The following RASAL2 variants were observed in gnomAD, a reference collection of about 807,000 sequenced individuals.
The protein encoded by RASAL2 is ras GTPase-activating protein nGAP.
RASAL2 carries 58 observed loss-of-function variants against 128.9 expected under a neutral mutation model. That is an observed-to-expected ratio of 0.45 (90% CI 0.36 to 0.56). The LOEUF (loss-of-function observed/expected upper bound fraction) is 0.56, where lower values mean the gene tolerates loss of function less well. RASAL2 is among the 20% of genes least tolerant of loss of function. RASAL2 has a pLI of 0.00. For missense variants in RASAL2, 1,360 were observed against 1,601.6 expected (o/e 0.85, Z 2.57); for synonymous variants, 561 against 580.8 (o/e 0.97, Z 0.49).
At chr1:178,120,945 C>T (rs1659695523) in intron 1 of RASAL2, 1 of 152,272 alleles carries the variant, frequency 6.6e-6, no homozygotes, top group South Asian at 2.1e-4. Flanking sequence ...GCTTGCTTGC[C>T]TGCTGCTCAT....
chr1:178,219,584 C>T (rs768616351), intron 1 of RASAL2, among the ~76,000 whole-genome samples: 10 of 149,448 alleles, frequency 6.7e-5, no homozygotes, highest in Admixed American at 1.3e-4. Flanking sequence ...GAGCTGTGAT[C>T]GCGCCATAGC....
At chr1:178,389,984 T>C in intron 3 of RASAL2, 116 bp from the exon 4 acceptor site, 1 of 658,806 alleles carries the variant, frequency 1.5e-6, no homozygotes, top group Non-Finnish European at 2.7e-6. Context: ...AGATAGAATG[T>C]AATATACCTT....
chr1:178,341,270 C>G (rs1473223498), intron 3 of RASAL2, among the ~76,000 whole-genome samples: 1 of 152,186 alleles, frequency 6.6e-6, no homozygotes, highest in Non-Finnish European at 1.5e-5. Context: ...AAATACTTAG[C>G]TTGGTAAATC....
chr1:178,280,657 T>G (rs1666740368), intron 1 of RASAL2, among the ~76,000 whole-genome samples: 1 of 152,064 alleles, frequency 6.6e-6, no homozygotes, highest in Non-Finnish European at 1.5e-5. Context: ...CTGATTCTTT[T>G]TAATGTTTCT....
At chr1:178,307,783 G>A (rs1557891422) in intron 3 of RASAL2, among the ~76,000 whole-genome samples, 1 of 152,162 alleles carries the variant, frequency 6.6e-6, no homozygotes, top group Non-Finnish European at 1.5e-5. Context: ...CAATCTTTTT[G>A]TTGTATTTCT....
chr1:178,408,625 TG>T (rs200113489), intron 4 of RASAL2, among the ~76,000 whole-genome samples: 12 of 151,642 alleles, frequency 7.9e-5, no homozygotes, highest in African/African-American at 2.4e-4. Context: ...TTTTGTTTTT[TG>T]TTTTGCTTCT....
intron 1 of RASAL2, among the ~76,000 whole-genome samples, chr1:178,148,190 CT>C (rs11325242): frequency 0.023 from 3,378 of 144,720 alleles, 100 homozygotes; most frequent in African/African-American, 0.074. Flanking sequence ...TCTTTGCTCA[CT>C]TTTTTTTTTT....
intron 3 of RASAL2, among the ~76,000 whole-genome samples, chr1:178,357,750 G>A (rs1670886794): frequency 6.6e-6 from 1 of 152,004 alleles, no homozygotes. Flanking sequence ...TATATAAAGA[G>A]CATGTTTTAT....
At chr1:178,284,208 A>G (rs574696314) in intron 2 of RASAL2, among the ~76,000 whole-genome samples, 1 of 152,348 alleles carries the variant, frequency 6.6e-6, no homozygotes, top group Admixed American at 6.5e-5. Context: ...TCTGGAACCT[A>G]GAGAACTGTA....
chr1:178,314,734 G>A (rs967491997), intron 3 of RASAL2, among the ~76,000 whole-genome samples: 1 of 152,042 alleles, frequency 6.6e-6, no homozygotes, highest in African/African-American at 2.4e-5. Flanking sequence ...ATTTGAAGTG[G>A]TAGGCATCAC....
At chr1:178,230,701 T>C (rs1037768282) in intron 1 of RASAL2, among the ~76,000 whole-genome samples, 1 of 152,114 alleles carries the variant, frequency 6.6e-6, no homozygotes, top group African/African-American at 2.4e-5. Flanking sequence ...GAAAGTTTAT[T>C]AAAAAGCTTT....
chr1:178,443,747 A>T (rs1288241707), intron 8 of RASAL2, among the ~76,000 whole-genome samples: 1 of 152,200 alleles, frequency 6.6e-6, no homozygotes, highest in Non-Finnish European at 1.5e-5. Context: ...GTTTCATGAT[A>T]CACTTATTTC....
At chr1:178,436,312 CAT>C in intron 5 of RASAL2, among the ~76,000 whole-genome samples, 1 of 151,940 alleles carries the variant, frequency 6.6e-6, no homozygotes, top group East Asian at 1.9e-4. Flanking sequence ...TACACACACA[CAT>C]AAAAATGCCA....
intron 3 of RASAL2, among the ~76,000 whole-genome samples, chr1:178,313,571 G>A (rs1668360666): frequency 6.6e-6 from 1 of 151,706 alleles, no homozygotes; most frequent in African/African-American, 2.4e-5. Context: ...GCTCACTGCA[G>A]CCTCAAACTC....
At chr1:178,291,862 C>T (rs1212565130) in intron 2 of RASAL2, among the ~76,000 whole-genome samples, 2 of 151,878 alleles carry the variant, frequency 1.3e-5, no homozygotes, top group Non-Finnish European at 2.9e-5. Context: ...TGGTGAAATC[C>T]TGTCTCTACG....
chr1:178,113,511 AGTGTGTGT>A (rs61642582), intron 1 of RASAL2, among the ~76,000 whole-genome samples: 9,244 of 122,078 alleles, frequency 0.076, 378 homozygotes, highest in Non-Finnish European at 0.09. Flanking sequence ...CATGCCTGCG[AGTGTGTGT>A]GTGTGTGTGT....
intron 3 of RASAL2, among the ~76,000 whole-genome samples, chr1:178,378,404 T>C (rs1361945502): frequency 6.6e-6 from 1 of 152,128 alleles, no homozygotes; most frequent in East Asian, 1.9e-4. Context: ...CAGTCCTATC[T>C]ATAAAAATTA....
intron 15 of RASAL2, among the ~76,000 whole-genome samples, chr1:178,464,630 G>A (rs1002525726): frequency 8.0e-5 from 12 of 149,936 alleles, no homozygotes; most frequent in Non-Finnish European, 1.8e-4. Context: ...CATCTTGCTA[G>A]GGGGTGGCAG....
At chr1:178,461,442 CA>C (rs1036908692) in intron 14 of RASAL2, among the ~76,000 whole-genome samples, 1 of 152,132 alleles carries the variant, frequency 6.6e-6, no homozygotes, top group Non-Finnish European at 1.5e-5. Flanking sequence ...AAAAAATTCA[CA>C]GATAAATTTT....
Sources: gnomAD v4.1 joint callset for allele counts (sites outside exome capture counted in the v4.1 genomes callset) on GRCh38, gnomAD v4.1.1 for gene constraint, MANE v1.5 for transcripts, NCBI Gene and HGNC (gene_info 2026-07-23, HGNC 2026-07-21) for gene names.